Variants in SPATA13 observed in about 807,000 individuals in gnomAD.
SPATA13 encodes the protein spermatogenesis-associated protein 13.
Under a neutral mutation model 104.0 loss-of-function variants are expected in SPATA13, and 50 were observed. That is an observed-to-expected ratio of 0.48 (90% confidence interval 0.38 to 0.61). The LOEUF is 0.61. SPATA13 is among the 20% of genes least tolerant of loss of function. The pLI, the probability that SPATA13 is intolerant of heterozygous loss-of-function variation, is 0.00. For synonymous variants in SPATA13, 606 were observed against 667.5 expected, an observed-to-expected ratio of 0.91 and a Z score of 1.42; for missense variants, 1,524 against 1,690.6, an observed-to-expected ratio of 0.90 and a Z score of 1.73.
At chr13:24,198,239 C>T (rs1870194752) in intron 1 of SPATA13, among the ~76,000 whole-genome samples, 1 of 152,084 alleles carries the variant, frequency 6.6e-6, no homozygotes, top group African/African-American at 2.4e-5. Flanking sequence ...GTGATCTGCC[C>T]CCCTTGGCCT....
chr13:23,994,020 A>G (rs575857977), intron 2 of SPATA13, among the ~76,000 whole-genome samples: 1 of 148,356 alleles, frequency 6.7e-6, no homozygotes, highest in East Asian at 2.0e-4. Flanking sequence ...AGGAGTTACA[A>G]TGAAATGTCC....
At chr13:24,198,930 A>G (rs951041513) in intron 1 of SPATA13, among the ~76,000 whole-genome samples, 2 of 148,850 alleles carry the variant, frequency 1.3e-5, no homozygotes, top group African/African-American at 2.5e-5. Flanking sequence ...TATATATTAC[A>G]TATTCTTAGA....
At chr13:24,268,545 G>T (rs1874398618) in intron 4 of SPATA13, among the ~76,000 whole-genome samples, 1 of 151,966 alleles carries the variant, frequency 6.6e-6, no homozygotes, top group Non-Finnish European at 1.5e-5. Flanking sequence ...GACCACCTGA[G>T]GTCAGGAGTT....
At chr13:24,284,876 G>T (rs1234296288) in intron 5 of SPATA13, among the ~76,000 whole-genome samples, 7 of 152,116 alleles carry the variant, frequency 4.6e-5, no homozygotes, top group African/African-American at 1.7e-4. Flanking sequence ...GGACATTATG[G>T]TTATTATCCA....
chr13:24,222,822 G>A lies in SPATA13; in HGVS notation c.-108G>A, dbSNP rs1379162669. 1.3e-5 allele frequency: 19 copies of A among 1,517,546 alleles called. No homozygotes were observed. The highest frequency in any genetic ancestry group is 2.8e-5 in the African/African-American group (2 of 72,436). The allele number at this position is 1,517,546 out of a possible 1,614,324, so 94.0% of individuals were successfully genotyped here. A position where few individuals can be genotyped will look rare whatever the true frequency, so the allele number is the denominator to read the frequency against. On this transcript the variant is annotated 5_prime_UTR_variant, in exon 2 of 13. The change creates a new upstream start codon in the 5' untranslated region. Transcript: ENST00000382108. ...CCTGCTTTGTCTTTCACTGCAGCCC[G>A]TGGCCACCCAGGAGCCCGATGTGCA...
intron 8 of SPATA13, 71 bp from the exon 9 acceptor site, chr13:24,290,581 G>T: frequency 8.7e-7 from 1 of 1,149,076 alleles, no homozygotes; most frequent in Non-Finnish European, 1.3e-6. Flanking sequence ...GAGAGGGCTG[G>T]GATGATGCCT....
intron 1 of SPATA13, among the ~76,000 whole-genome samples, chr13:24,212,239 C>G (rs1871061559): frequency 6.6e-6 from 1 of 150,612 alleles, no homozygotes; most frequent in African/African-American, 2.4e-5. Context: ...GATTGGGCCA[C>G]TCCAGCCCGC....
chr13:24,191,093 A>AT (rs1050337594), intron 1 of SPATA13, among the ~76,000 whole-genome samples: 1 of 152,114 alleles, frequency 6.6e-6, no homozygotes, highest in African/African-American at 2.4e-5. Context: ...GATTGTTAAC[A>AT]TTTTTTAACA....
rs568115809 is a variant in SPATA13, at chr13:24,122,834, G to A, written c.-111-99985G>A. On this transcript the variant is annotated intron_variant, in intron 3 of 14. Coordinates refer to the SPATA13 transcript ENST00000424834. ...ATGTCAAACTGTGCACTAAAGAGAA[G>A]ATCTCCTCATAGAATTCTAAGACAT... 11 of 773,102 alleles carry A rather than the reference G, an allele frequency of 1.4e-5. No homozygotes were observed. The South Asian group carries it at 1.5e-4, about 10-fold the overall frequency. The allele number at this position is 773,102 out of a possible 1,614,324, so 47.9% of individuals were successfully genotyped here.
At chr13:24,284,384 G>A in intron 5 of SPATA13, 113 bp downstream of exon 5, 11 of 1,180,826 alleles carry the variant, frequency 9.3e-6, no homozygotes, top group Non-Finnish European at 1.3e-5. Context: ...CCGAAAACCT[G>A]GAACTCTGAT....
intron 3 of SPATA13, among the ~76,000 whole-genome samples, chr13:24,129,949 G>A (rs147776163): frequency 6.6e-6 from 1 of 152,286 alleles, no homozygotes; most frequent in African/African-American, 2.4e-5. Flanking sequence ...TACTGCTCCC[G>A]GGTGGAGAAA....
At chr13:24,274,109 A>G (rs1341459277) in intron 4 of SPATA13, among the ~76,000 whole-genome samples, 1 of 152,212 alleles carries the variant, frequency 6.6e-6, no homozygotes, top group Non-Finnish European at 1.5e-5. Flanking sequence ...TCGTTGGAAT[A>G]AGGAACATTC....
At chr13:24,000,563 A>T (rs1159967250) in intron 2 of SPATA13, among the ~76,000 whole-genome samples, 1 of 152,150 alleles carries the variant, frequency 6.6e-6, no homozygotes, top group South Asian at 2.1e-4. Context: ...GCAACAACAT[A>T]AGATGTTTGC....
At position 24,223,390 on chromosome 13, in the gene SPATA13, C is replaced by T; in HGVS notation, c.461C>T (p.Pro154Leu). Residue 154 changes from proline (P) to leucine (L), a missense_variant, in exon 2 of 13, where the codon CCA becomes CTA. This residue lies in a region of SPATA13 where 1,089 missense variants were observed against 1,135.9 expected (regional missense o/e 0.96). Coordinates refer to ENST00000382108, the MANE Select transcript of SPATA13 (RefSeq NM_001166271.3). ...AAGTCCATCCCAAATGGCGCTGTCC[C>T]AGGAGCCCAGGCAAGCAGGGGCTCC... ...LGKSIPNGAV[P>L]GAQASRGSPL... 2 of 1,551,350 alleles carry T rather than the reference C, an allele frequency of 1.3e-6. No homozygotes were observed. The highest frequency in any genetic ancestry group is 8.7e-7 in the Non-Finnish European group (1 of 1,146,990).
chr13:24,064,545 C>G (rs147584175), intron 3 of SPATA13, among the ~76,000 whole-genome samples: 1 of 152,098 alleles, frequency 6.6e-6, no homozygotes, highest in Non-Finnish European at 1.5e-5. Context: ...AGAACTCCCA[C>G]GCCCTTATTG....
At chr13:24,057,656 T>C (rs2137750315) in intron 3 of SPATA13, among the ~76,000 whole-genome samples, 1 of 147,162 alleles carries the variant, frequency 6.8e-6, no homozygotes, top group East Asian at 1.9e-4. Flanking sequence ...CCAACCGTCA[T>C]AAGAAATGTT....
chr13:24,140,539 C>A (rs978854532), intron 3 of SPATA13, among the ~76,000 whole-genome samples: 6 of 152,178 alleles, frequency 3.9e-5, no homozygotes, highest in African/African-American at 1.4e-4. Flanking sequence ...CTGTTTGGAT[C>A]CAAATTCAGC....
intron 2 of SPATA13, among the ~76,000 whole-genome samples, chr13:24,243,690 G>A (rs1206292940): frequency 6.6e-6 from 1 of 152,142 alleles, no homozygotes; most frequent in Admixed American, 6.5e-5. Flanking sequence ...CTGGCACCTC[G>A]TAGGCATTCA....
intron 3 of SPATA13, among the ~76,000 whole-genome samples, chr13:24,044,180 T>G (rs1183729981): frequency 6.6e-6 from 1 of 151,912 alleles, no homozygotes; most frequent in Non-Finnish European, 1.5e-5. Flanking sequence ...AGTGATGGCC[T>G]GGTGGGCCTC....
Sources: gnomAD v4.1 joint callset for allele counts (sites outside exome capture counted in the v4.1 genomes callset) on GRCh38, gnomAD v4.1.1 for gene constraint, gnomAD v4.1.1 regional missense constraint, MANE v1.5 for transcripts, NCBI Gene and HGNC (gene_info 2026-07-23, HGNC 2026-07-21) for gene names.